The following PDE5A variants were observed in gnomAD, a reference collection of about 807,000 sequenced individuals.
PDE5A encodes phosphodiesterase 5A.
PDE5A carries 67 observed loss-of-function variants against 110.2 expected under a neutral mutation model. The ratio of observed to expected loss-of-function variants is 0.61; its 90% CI spans 0.50 to 0.75. The LOEUF is 0.75. Ranked by LOEUF, PDE5A falls within the 30% of genes least tolerant of loss-of-function variation. PDE5A has a pLI of 0.00. For missense variants in PDE5A, 862 were observed against 1,045.1 expected, an observed-to-expected ratio of 0.82 and a Z score of 2.42; for synonymous variants, 328 against 351.2, an observed-to-expected ratio of 0.93 and a Z score of 0.74.
intron 14 of PDE5A, among the ~76,000 whole-genome samples, chr4:119,516,247 A>C (rs1365648975): frequency 6.6e-6 from 1 of 152,204 alleles, no homozygotes; most frequent in African/African-American, 2.4e-5. Context: ...TCAGGACTAG[A>C]TACTTTCTTG....
Position 119,504,585 on chromosome 4 carries a change from G to C in PDE5A, c.2282C>G (p.Thr761Arg). Residue 761 changes from threonine to arginine, a missense_variant, in exon 18 of 21, where the codon ACA becomes AGA. Physicochemically the swap from Thr to Arg is moderately conservative, Grantham distance 71 (BLOSUM62 -1). Transcript: ENST00000354960. ...TGTAATTGCAGAAAGATCACAAGCT[G>C]TCATCAGCATTGCCCTGTTATGGAA... ...QKELFLAMLM[T>R]ACDLSAITKP... 1 of 1,612,220 alleles carries C rather than the reference G, an allele frequency of 6.2e-7. No individual in the cohort carries two copies. Among genetic ancestry groups the C allele is most frequent in the Non-Finnish European group, 8.5e-7 (1 of 1,178,858 alleles).
chr4:119,576,772 AAAG>A (rs1728367790), intron 3 of PDE5A, among the ~76,000 whole-genome samples: 1 of 152,246 alleles, frequency 6.6e-6, no homozygotes, highest in African/African-American at 2.4e-5. Flanking sequence ...ACCACAATTA[AAAG>A]AACAAGAGAA....
intron 14 of PDE5A, among the ~76,000 whole-genome samples, chr4:119,516,366 T>C (rs1420405933): frequency 6.6e-6 from 1 of 152,256 alleles, no homozygotes; most frequent in African/African-American, 2.4e-5. Context: ...AGCCCTAGTA[T>C]AATAATTATT....
chr4:119,562,933 T>C lies in PDE5A; in HGVS notation c.1031A>G (p.Gln344Arg). ...CTTCAAAATTACTTCTAATGATTGT[T>C]GTTCTTCAAAAATTAAACTAGCAAG... Reference protein sequence around the residue: ...LDLASLIFEEQQSLEVILKKI... With the variant: ...LDLASLIFEERQSLEVILKKI... Residue 344 changes from glutamine to arginine, a missense_variant, in exon 6 of 21, where the codon CAA (glutamine) becomes CGA (arginine). Coordinates refer to ENST00000354960, the MANE Select transcript of PDE5A (RefSeq NM_001083.4). 1 of 1,600,576 alleles carries C rather than the reference T, an allele frequency of 6.2e-7. No individual in the cohort carries two copies. Among genetic ancestry groups the C allele is most frequent in the Non-Finnish European group, 8.5e-7 (1 of 1,175,578 alleles).
chr4:119,605,540 G>A (rs898006157), intron 2 of PDE5A, among the ~76,000 whole-genome samples: 2 of 151,932 alleles, frequency 1.3e-5, no homozygotes, highest in Admixed American at 6.6e-5. Flanking sequence ...CCAGCTACTC[G>A]GGAGGCTGAG....
chr4:119,547,733 G>GT (rs1578763732), intron 9 of PDE5A, among the ~76,000 whole-genome samples: 1 of 151,870 alleles, frequency 6.6e-6, no homozygotes, highest in Admixed American at 6.6e-5. Flanking sequence ...TTCTAAGTGA[G>GT]TTTTTTCCTT....
chr4:119,590,379 C>T (rs1728925384), intron 3 of PDE5A, among the ~76,000 whole-genome samples: 1 of 152,126 alleles, frequency 6.6e-6, no homozygotes, highest in Non-Finnish European at 1.5e-5. Context: ...TCTGGACTGG[C>T]TCTCTTCTCT....
In PDE5A at chr4:119,505,908, A is replaced by G; in HGVS notation, c.2214T>C (p.Leu738=). The G allele has an allele frequency of 6.4e-7, 1 of 1,569,222 alleles. No individual in the cohort carries two copies. Among genetic ancestry groups the G allele is most frequent in the Non-Finnish European group, 8.6e-7 (1 of 1,159,272 alleles). The change falls in exon 17 of 21, where the codon CTT becomes CTC. Residue 738 remains leucine, a synonymous_variant. Transcript: ENST00000354960. ...YIKRRGEFFE[L]IRKNQFNLED... ...CCAAATTGAATTGATTTTTTCTTAT[A>G]AGTTCAAAAAATTCTCCTCGCCTCC...
chr4:119,546,015 T>G (rs1286167205), intron 9 of PDE5A, among the ~76,000 whole-genome samples: 1 of 152,190 alleles, frequency 6.6e-6, no homozygotes, highest in East Asian at 1.9e-4. Flanking sequence ...TATAGTGCCT[T>G]GCTTTTAAAA....
chr4:119,550,235 T>C (rs1727293227), intron 9 of PDE5A: 1 of 152,222 alleles, frequency 6.6e-6, no homozygotes, highest in Non-Finnish European at 1.5e-5. Flanking sequence ...TCTTTTCCTT[T>C]CTTTTTATTT....
chr4:119,535,321 C>T (rs1039065570), intron 11 of PDE5A, among the ~76,000 whole-genome samples: 17 of 152,170 alleles, frequency 1.1e-4, no homozygotes, highest in African/African-American at 2.6e-4. Context: ...TTTTAGGCAC[C>T]GGATAAGAGA....
intron 19 of PDE5A, among the ~76,000 whole-genome samples, chr4:119,502,096 G>T (rs1469952763): frequency 1.3e-5 from 2 of 151,992 alleles, no homozygotes; most frequent in Admixed American, 1.3e-4. Flanking sequence ...GTTTCTTTTG[G>T]TATCTCTCCT....
At chr4:119,526,007 C>T (rs1367917183) in intron 11 of PDE5A, among the ~76,000 whole-genome samples, 5 of 152,102 alleles carry the variant, frequency 3.3e-5, no homozygotes, top group African/African-American at 1.2e-4. Flanking sequence ...TATACCTCCC[C>T]AGTCTTATTC....
At chr4:119,591,264 A>G (rs576030751) in intron 3 of PDE5A, among the ~76,000 whole-genome samples, 80 of 152,346 alleles carry the variant, frequency 5.3e-4, no homozygotes, top group African/African-American at 1.9e-3. Context: ...TTTAAAGAAT[A>G]GTAGCTGATG....
At chr4:119,588,255 G>A (rs1489845061) in intron 3 of PDE5A, among the ~76,000 whole-genome samples, 1 of 145,814 alleles carries the variant, frequency 6.9e-6, no homozygotes, top group Non-Finnish European at 1.5e-5. Flanking sequence ...GCTCACTGAA[G>A]CCTCTGTCTC....
intron 3 of PDE5A, among the ~76,000 whole-genome samples, chr4:119,587,075 G>A (rs1287294915): frequency 6.6e-6 from 1 of 152,146 alleles, no homozygotes; most frequent in African/African-American, 2.4e-5. Context: ...TATTTAAAGG[G>A]CAGTGTGCAG....
chr4:119,513,568 T>C (rs1239262799), intron 14 of PDE5A, among the ~76,000 whole-genome samples: 1 of 152,192 alleles, frequency 6.6e-6, no homozygotes, highest in African/African-American at 2.4e-5. Context: ...CTGAGACCTC[T>C]CTAAAGTTGC....
At chr4:119,545,017 AAAC>A (rs71595402) in intron 9 of PDE5A, among the ~76,000 whole-genome samples, 17 of 151,718 alleles carry the variant, frequency 1.1e-4, no homozygotes, top group South Asian at 2.1e-4. Flanking sequence ...GCTCTGGGGA[AAAC>A]AACAACAACA....
chr4:119,561,608 A>C (rs1369428126), intron 6 of PDE5A, among the ~76,000 whole-genome samples: 1 of 152,216 alleles, frequency 6.6e-6, no homozygotes, highest in East Asian at 1.9e-4. Flanking sequence ...TAGAGCAAAA[A>C]TTACAGATTA....
Sources: gnomAD v4.1 joint callset for allele counts (sites outside exome capture counted in the v4.1 genomes callset) on GRCh38, gnomAD v4.1.1 for gene constraint, MANE v1.5 for transcripts, NCBI Gene and HGNC (gene_info 2026-07-23, HGNC 2026-07-21) for gene names.